The following MYO18B variants were observed in gnomAD, a reference collection of about 807,000 sequenced individuals.
The protein encoded by MYO18B is unconventional myosin-XVIIIb.
In MYO18B, 204 loss-of-function variants were observed where a neutral mutation model predicts 273.0. The ratio of observed to expected loss-of-function variants is 0.75; its 90% CI spans 0.67 to 0.84. MYO18B has a LOEUF of 0.84. Among genes scored for constraint, MYO18B ranks in the 40% least tolerant of loss-of-function variants. The pLI, the probability that MYO18B is intolerant of heterozygous loss-of-function variation, is 0.00. For synonymous variants in MYO18B, 1,330 were observed against 1,305.7 expected, an observed-to-expected ratio of 1.02 and a Z score of -0.40; for missense variants, 3,212 against 3,287.6, an observed-to-expected ratio of 0.98 and a Z score of 0.56.
intron 1 of MYO18B, among the ~76,000 whole-genome samples, chr22:25,751,797 C>T (rs1468064108): frequency 3.3e-5 from 5 of 152,138 alleles, no homozygotes; most frequent in Admixed American, 2.6e-4. Context: ...GCTTGGCACA[C>T]GGTTGGTTCT....
At chr22:25,752,211 G>A (rs1485801940) in intron 1 of MYO18B, among the ~76,000 whole-genome samples, 3 of 145,900 alleles carry the variant, frequency 2.1e-5, no homozygotes, top group Admixed American at 6.8e-5. Context: ...TTTTTGAGAC[G>A]GAGTCTCGCT....
At chr22:25,803,087 G>A (rs113544783) in intron 12 of MYO18B, among the ~76,000 whole-genome samples, 35,253 of 150,818 alleles carry the variant, frequency 0.23, 4,325 homozygotes, top group Middle Eastern at 0.28. Context: ...TCAGCCTCCC[G>A]AGTAGCTGGG....
At chr22:25,775,082 C>T (rs539272156) in intron 7 of MYO18B, among the ~76,000 whole-genome samples, 12 of 152,314 alleles carry the variant, frequency 7.9e-5, no homozygotes, top group African/African-American at 2.4e-4. Context: ...TGGGCCTGAG[C>T]AGGCTGATGG....
chr22:25,903,124 C>T (rs1006284472), intron 30 of MYO18B: 2 of 216,174 alleles, frequency 9.3e-6, no homozygotes, highest in Non-Finnish European at 1.9e-5. Context: ...TGCTCCTCAT[C>T]CTTTTGTGGT....
chr22:25,928,561 G>A (rs1367237188), intron 34 of MYO18B, among the ~76,000 whole-genome samples: 1 of 152,018 alleles, frequency 6.6e-6, no homozygotes, highest in African/African-American at 2.4e-5. Context: ...CCTGCATCTA[G>A]AACCCTAAGA....
intron 12 of MYO18B, among the ~76,000 whole-genome samples, chr22:25,820,689 T>C (rs2089243662): frequency 6.6e-6 from 1 of 152,178 alleles, no homozygotes. Context: ...TTCAATATCC[T>C]CCTTCTAGCT....
intron 25 of MYO18B, among the ~76,000 whole-genome samples, chr22:25,879,260 A>G (rs903994313): frequency 2.6e-5 from 4 of 152,224 alleles, no homozygotes; most frequent in African/African-American, 4.8e-5. Context: ...GAAAGCTAAA[A>G]CATTTACTCT....
At chr22:26,055,204 G>C in the MYO18B span, among the ~76,000 whole-genome samples, 1 of 152,180 alleles carries the variant, frequency 6.6e-6, no homozygotes, top group Non-Finnish European at 1.5e-5. Flanking sequence ...ATTTAAGGAT[G>C]GGATTGATAT....
At chr22:25,870,821 T>C (rs535132120) in intron 22 of MYO18B, among the ~76,000 whole-genome samples, 2 of 152,220 alleles carry the variant, frequency 1.3e-5, no homozygotes, top group East Asian at 3.9e-4. Flanking sequence ...CACTCTCAAG[T>C]CTGAGAACCA....
In MYO18B at chr22:25,946,265, C is replaced by T; in HGVS notation, c.5631+15C>T. ...ACAAGAGCCTGGTACCTGTCCCTTC[C>T]TGCAGCTGCAGGGACCTGGGCCAGC... On this transcript the variant is annotated intron_variant, in intron 35 of 43. Transcript: ENST00000335473. 1.9e-6 allele frequency: 3 copies of T among 1,543,576 alleles called. No homozygotes were observed. The highest frequency in any genetic ancestry group is 3.4e-4 in the Middle Eastern group (2 of 5,964).
the MYO18B span, among the ~76,000 whole-genome samples, chr22:26,036,348 T>C: frequency 6.6e-6 from 1 of 152,170 alleles, no homozygotes; most frequent in Admixed American, 6.5e-5. Flanking sequence ...TTAAGAATCA[T>C]CATAGCTCCC....
intron 42 of MYO18B, among the ~76,000 whole-genome samples, chr22:26,019,929 A>G (rs1340075779): frequency 6.6e-6 from 1 of 152,168 alleles, no homozygotes; most frequent in Non-Finnish European, 1.5e-5. Flanking sequence ...TTCTTGGTTC[A>G]TTACATCGCA....
chr22:25,769,508 A>T, intron 4 of MYO18B, 80 bp downstream of exon 4: 77 of 1,137,908 alleles, frequency 6.8e-5, no homozygotes, highest in Middle Eastern at 3.2e-4. Context: ...GATCTGCCCC[A>T]GGGATGGACA....
chr22:25,881,132 T>C (rs866227798), intron 25 of MYO18B, among the ~76,000 whole-genome samples: 2 of 152,374 alleles, frequency 1.3e-5, no homozygotes, highest in Middle Eastern at 3.4e-3. Flanking sequence ...GAGCCTGAGA[T>C]GGCTCATGTG....
intron 39 of MYO18B, among the ~76,000 whole-genome samples, chr22:25,961,169 C>G (rs935362979): frequency 1.3e-5 from 2 of 150,598 alleles, no homozygotes; most frequent in African/African-American, 4.9e-5. Context: ...TTACGGTGAA[C>G]TATGGTTGCA....
At position 26,027,480 on chromosome 22, in the gene MYO18B, C is replaced by T. The variant is rs765904544; in HGVS notation, c.7506C>T (p.Pro2502=). The T allele has an allele frequency of 6.5e-5, 105 of 1,613,918 alleles. No homozygotes were observed. Among genetic ancestry groups the T allele is most frequent in the Admixed American group, 3.7e-4 (22 of 60,012 alleles). ...LKKSPEPKED[P]AHLSDSSSSS... ...AGAGCCCGGAGCCCAAGGAGGATCC[C>T]GCTCACCTGTCTGACTCGTCCTCAT... The change falls in exon 43 of 44, where the codon CCC becomes CCT. Residue 2502 remains proline, a synonymous_variant. Transcript: ENST00000335473. This position sits in a 1 kb window ranked among gnomAD's most constrained non-coding sequence, Gnocchi z 4.1.
intron 25 of MYO18B, among the ~76,000 whole-genome samples, chr22:25,881,148 G>A (rs985399742): frequency 1.3e-5 from 2 of 152,254 alleles, no homozygotes; most frequent in African/African-American, 4.8e-5. Flanking sequence ...ATGTGGGGAT[G>A]TGGAATGAAG....
intron 27 of MYO18B, chr22:25,894,944 G>A (rs1035533463): frequency 1.8e-6 from 1 of 548,752 alleles, no homozygotes; most frequent in African/African-American, 1.9e-5. Context: ...ACTTTAGACA[G>A]TTGGAGGTGG....
intron 25 of MYO18B, among the ~76,000 whole-genome samples, chr22:25,887,103 G>A (rs1306175911): frequency 1.3e-5 from 2 of 152,196 alleles, no homozygotes; most frequent in Non-Finnish European, 2.9e-5. Flanking sequence ...CAGGTCAGAT[G>A]GTTTTTGGGC....
Sources: gnomAD v4.1 joint callset for allele counts (sites outside exome capture counted in the v4.1 genomes callset) on GRCh38, gnomAD v4.1.1 for gene constraint, Gnocchi (gnomAD v3.1) non-coding constraint, MANE v1.5 for transcripts, NCBI Gene and HGNC (gene_info 2026-07-23, HGNC 2026-07-21) for gene names.